The following ATP2B2 variants were observed in gnomAD, a reference collection of about 807,000 sequenced individuals.
ATP2B2 encodes ATPase plasma membrane Ca2+ transporting 2.
In ATP2B2, 15 loss-of-function variants were observed where a neutral mutation model predicts 120.0. That is an observed-to-expected ratio of 0.12 (90% confidence interval 0.08 to 0.19). The LOEUF is 0.19. Ranked by LOEUF, ATP2B2 falls within the 10% of genes least tolerant of loss-of-function variation. The pLI, the probability that ATP2B2 is intolerant of heterozygous loss-of-function variation, is 1.00. For synonymous variants in ATP2B2, 694 were observed against 700.3 expected (o/e 0.99, Z 0.14); for missense variants, 1,045 against 1,719.8 (o/e 0.61, Z 6.94).
At chr3:10,332,599 G>A (rs2060010826) in intron 22 of ATP2B2, among the ~76,000 whole-genome samples, 1 of 152,208 alleles carries the variant, frequency 6.6e-6, no homozygotes, top group Non-Finnish European at 1.5e-5. Context: ...CTTCCCTGGA[G>A]GACTGACTCC....
At chr3:10,543,210 C>T (rs949846816) in intron 2 of ATP2B2, among the ~76,000 whole-genome samples, 1 of 152,190 alleles carries the variant, frequency 6.6e-6, no homozygotes, top group Non-Finnish European at 1.5e-5. Context: ...TGAACCTGAA[C>T]TTGGACTTCC....
chr3:10,590,556 A>T (rs896230697), intron 2 of ATP2B2, among the ~76,000 whole-genome samples: 1 of 152,126 alleles, frequency 6.6e-6, no homozygotes, highest in Admixed American at 6.5e-5. Context: ...CCTCCCCTGC[A>T]TGACAGCCCA....
At chr3:10,602,479 T>G (rs1175003594) in intron 2 of ATP2B2, among the ~76,000 whole-genome samples, 3 of 152,236 alleles carry the variant, frequency 2.0e-5, no homozygotes, top group African/African-American at 7.2e-5. Context: ...TCAGGGTTAA[T>G]GTGCCTTGAA....
At chr3:10,613,926 G>A (rs2069310508) in intron 2 of ATP2B2, among the ~76,000 whole-genome samples, 1 of 151,822 alleles carries the variant, frequency 6.6e-6, no homozygotes, top group Non-Finnish European at 1.5e-5. Flanking sequence ...CTTCCTTGAT[G>A]TTCCCCAAAC....
intron 2 of ATP2B2, among the ~76,000 whole-genome samples, chr3:10,569,583 T>G (rs552704594): frequency 3.3e-5 from 5 of 152,212 alleles, no homozygotes; most frequent in African/African-American, 1.2e-4. Context: ...CCTGACCTCA[T>G]GGATATTAAT....
At position 10,511,013 on chromosome 3, in the gene ATP2B2, A is replaced by G. The variant is rs1213951501; in HGVS notation, c.-320+23026T>C. 2.0e-5 allele frequency among the ~76,000 whole-genome samples: 3 copies of G among 151,980 alleles called. 1 individual carries two copies. The East Asian group carries it at 5.8e-4, about 29-fold the overall frequency. On this transcript the variant is annotated intron_variant, in intron 3 of 21. Transcript: ENST00000646379. The stretch of plus-strand genomic sequence containing the variant: ...CTTTGTGCTCTCAGCATCAAATCCA[A>G]ACTCCTCACTGTGGCTCATGAGGCC...
At chr3:10,337,231 G>A (rs941928044) in intron 22 of ATP2B2, among the ~76,000 whole-genome samples, 1 of 152,204 alleles carries the variant, frequency 6.6e-6, no homozygotes, top group Non-Finnish European at 1.5e-5. Flanking sequence ...AGGGGTGGGA[G>A]GTGACCCAGG....
At chr3:10,494,071 T>C (rs1341227029) in intron 1 of ATP2B2, among the ~76,000 whole-genome samples, 2 of 152,138 alleles carry the variant, frequency 1.3e-5, no homozygotes, top group East Asian at 3.8e-4. Flanking sequence ...GAGTCTAGGC[T>C]TTATCCACTT....
At chr3:10,704,430 A>G (rs2071867229) in intron 1 of ATP2B2, among the ~76,000 whole-genome samples, 1 of 152,082 alleles carries the variant, frequency 6.6e-6, no homozygotes, top group Non-Finnish European at 1.5e-5. Context: ...CAGCTACCTA[A>G]TTTGTGGGAC....
intron 2 of ATP2B2, among the ~76,000 whole-genome samples, chr3:10,585,890 A>G (rs1246742263): frequency 6.6e-6 from 1 of 152,182 alleles, no homozygotes; most frequent in African/African-American, 2.4e-5. Flanking sequence ...CTGTCACTAG[A>G]ATATAAGCTA....
intron 1 of ATP2B2, among the ~76,000 whole-genome samples, chr3:10,480,281 G>A (rs1169468759): frequency 2.6e-5 from 4 of 152,182 alleles, no homozygotes; most frequent in South Asian, 2.1e-4. Flanking sequence ...TAACAACACC[G>A]ACCGACAGCG....
At chr3:10,647,607 G>C (rs566503966) in intron 1 of ATP2B2, among the ~76,000 whole-genome samples, 1 of 152,096 alleles carries the variant, frequency 6.6e-6, no homozygotes, top group Non-Finnish European at 1.5e-5. Flanking sequence ...GTAAGGTTTC[G>C]GAGAATGAGG....
chr3:10,605,283 A>T (rs1396029261), intron 2 of ATP2B2, among the ~76,000 whole-genome samples: 1 of 152,200 alleles, frequency 6.6e-6, no homozygotes, highest in Non-Finnish European at 1.5e-5. Context: ...GCATTTCCAT[A>T]CGTCCTCTCA....
intron 1 of ATP2B2, among the ~76,000 whole-genome samples, chr3:10,470,913 C>T (rs961778976): frequency 9.9e-5 from 15 of 152,168 alleles, no homozygotes; most frequent in Admixed American, 7.9e-4. Flanking sequence ...GACAGCACAT[C>T]GGATACTGAC....
intron 1 of ATP2B2, among the ~76,000 whole-genome samples, chr3:10,490,386 C>T (rs957845188): frequency 6.7e-6 from 1 of 149,252 alleles, no homozygotes; most frequent in Non-Finnish European, 1.5e-5. Context: ...CAATACATGT[C>T]AGTCCACGGC....
intron 1 of ATP2B2, among the ~76,000 whole-genome samples, chr3:10,669,640 A>G (rs998178336): frequency 2.6e-5 from 4 of 152,192 alleles, no homozygotes; most frequent in Non-Finnish European, 5.9e-5. Flanking sequence ...GGCAATTTCA[A>G]TGCGGGCTAT....
intron 1 of ATP2B2, among the ~76,000 whole-genome samples, chr3:10,671,765 G>C (rs2071102962): frequency 6.6e-6 from 1 of 152,266 alleles, no homozygotes; most frequent in East Asian, 1.9e-4. Flanking sequence ...TGGTGGTGAA[G>C]CTCAAAAGCC....
At chr3:10,563,727 C>A (rs559918057) in intron 2 of ATP2B2, among the ~76,000 whole-genome samples, 1 of 152,336 alleles carries the variant, frequency 6.6e-6, no homozygotes, top group South Asian at 2.1e-4. Context: ...GTAAACTAGG[C>A]CAGTGTTCCA....
intron 3 of ATP2B2, among the ~76,000 whole-genome samples, chr3:10,527,645 C>T (rs1440062787): frequency 6.6e-6 from 1 of 152,242 alleles, no homozygotes; most frequent in African/African-American, 2.4e-5. Context: ...AACCCCCTAC[C>T]TCCCCACCAC....
Sources: gnomAD v4.1 joint callset for allele counts (sites outside exome capture counted in the v4.1 genomes callset) on GRCh38, gnomAD v4.1.1 for gene constraint, MANE v1.5 for transcripts, NCBI Gene and HGNC (gene_info 2026-07-23, HGNC 2026-07-21) for gene names.